Variants in DOCK8 observed in about 807,000 individuals in gnomAD.
DOCK8 encodes dedicator of cytokinesis 8.
A neutral mutation model predicts 245.6 loss-of-function variants in DOCK8; 141 were observed. The ratio of observed to expected loss-of-function variants is 0.57; its 90% confidence interval spans 0.50 to 0.66. DOCK8 has a LOEUF of 0.66. DOCK8 is among the 30% of genes least tolerant of loss of function. DOCK8 has a pLI of 0.00. For missense variants in DOCK8, 2,965 were observed against 2,603.4 expected (o/e 1.14, Z -3.02); for synonymous variants, 1,168 against 970.2 (o/e 1.20, Z -3.79).
rs1157084718 is a variant in DOCK8 at position 268,818 on chromosome 9, T to G, written c.54-2809T>G. On this transcript the variant is annotated intron_variant, in intron 1 of 47. Transcript: ENST00000432829. ...GCAAATAAATGATTGCAGTGTTGGT[T>G]TGAGTCCTGTGGTGCCAAACACAAG... Among the ~76,000 whole-genome samples, 5 of 152,226 alleles carry G rather than the reference T, an allele frequency of 3.3e-5. No homozygotes were observed. In the East Asian group the frequency reaches 7.7e-4, roughly 23 times the overall value.
At chr9:287,288 G>A (rs549167947) in intron 3 of DOCK8, among the ~76,000 whole-genome samples, 3 of 152,040 alleles carry the variant, frequency 2.0e-5, no homozygotes, top group Non-Finnish European at 4.4e-5. Context: ...TATAGGCTTG[G>A]GCATTAGTTT....
intron 5 of DOCK8, 52 bp from the exon 6 acceptor site, chr9:311,902 T>C: frequency 1.2e-6 from 2 of 1,603,062 alleles, no homozygotes; most frequent in Non-Finnish European, 8.5e-7. Context: ...TCTTCGGTTC[T>C]CATTTTAGAC....
At chr9:307,972 C>T (rs749264979) in intron 5 of DOCK8, among the ~76,000 whole-genome samples, 8 of 152,158 alleles carry the variant, frequency 5.3e-5, no homozygotes, top group African/African-American at 1.9e-4. Context: ...ACTAATACTG[C>T]ATGATCTCAC....
intron 1 of DOCK8, among the ~76,000 whole-genome samples, chr9:257,741 T>A (rs572395388): frequency 6.6e-6 from 1 of 152,262 alleles, no homozygotes; most frequent in South Asian, 2.1e-4. Context: ...ATGGTCTTGA[T>A]CCCTTGACCT....
At chr9:261,048 T>A (rs1369166892) in intron 1 of DOCK8, among the ~76,000 whole-genome samples, 1 of 147,388 alleles carries the variant, frequency 6.8e-6, no homozygotes, top group Non-Finnish European at 1.5e-5. Flanking sequence ...ATCGTGCCAC[T>A]GCACTCCAGC....
rs988173801 is a variant in DOCK8 at position 390,508 on chromosome 9, G to C, written c.2912G>C (p.Ser971Thr). Residue 971 changes from serine to threonine, a missense_variant, in exon 24 of 48, where the codon AGC (serine) becomes ACC (threonine). This residue lies in a region of DOCK8 where 2,825 missense variants were observed against 2,453.5 expected (regional missense o/e 1.15). Coordinates refer to ENST00000432829, the MANE Select transcript of DOCK8 (RefSeq NM_203447.4). The stretch of plus-strand genomic sequence containing the variant: ...GAGCTTGCCCTTCAGATGGTGGTCA[G>C]CACCGGAATGGTGAGAGAAACAGTC... Reference protein sequence around the residue: ...HEELALQMVVSTGMVRETVFK... With the variant: ...HEELALQMVVTTGMVRETVFK... The C allele has an allele frequency of 1.2e-6, 2 of 1,614,206 alleles. No homozygotes were observed. Among genetic ancestry groups the C allele is most frequent in the South Asian group, 1.1e-5 (1 of 91,080 alleles).
At chr9:254,115 A>G (rs1344609652) in intron 1 of DOCK8, among the ~76,000 whole-genome samples, 5 of 152,212 alleles carry the variant, frequency 3.3e-5, no homozygotes, top group Non-Finnish European at 5.9e-5. Context: ...CCTGATATTG[A>G]CAGTAAGATA....
intron 27 of DOCK8, among the ~76,000 whole-genome samples, chr9:405,596 A>G (rs1176210216): frequency 6.6e-6 from 1 of 152,146 alleles, no homozygotes; most frequent in Non-Finnish European, 1.5e-5. Flanking sequence ...CACCTCATAC[A>G]TTTTTTGAAA....
intron 1 of DOCK8, among the ~76,000 whole-genome samples, chr9:232,850 C>G (rs1217646454): frequency 6.6e-6 from 1 of 152,140 alleles, no homozygotes; most frequent in Non-Finnish European, 1.5e-5. Context: ...AAAACCAGCT[C>G]CTGGATTCAT....
chr9:215,418 C>G lies in DOCK8; in HGVS notation c.53+389C>G, dbSNP rs754480797. On this transcript the variant is annotated intron_variant, in intron 1 of 47. Coordinates refer to ENST00000432829, the MANE Select transcript of DOCK8 (RefSeq NM_203447.4). The stretch of plus-strand genomic sequence containing the variant: ...TCATAAACGGCTCCTTCCTTTGAGG[C>G]AAGTCTGAGCGCGGGGGGAAGAAGT... The G allele has an allele frequency of 2.5e-5, 38 of 1,519,316 alleles. 1 individual carries two copies. In the South Asian group the frequency reaches 2.9e-4, roughly 11 times the overall value. 94.1% of individuals were successfully genotyped at this position (1,519,316 alleles called of 1,614,324 possible).
intron 1 of DOCK8, among the ~76,000 whole-genome samples, chr9:237,928 G>A (rs906606227): frequency 3.3e-5 from 5 of 152,044 alleles, no homozygotes; most frequent in African/African-American, 7.2e-5. Flanking sequence ...GATGTTCCTG[G>A]TCTGGCAGAT....
intron 14 of DOCK8, among the ~76,000 whole-genome samples, chr9:357,682 A>G (rs1007406608): frequency 1.3e-5 from 2 of 152,078 alleles, no homozygotes; most frequent in Non-Finnish European, 2.9e-5. Context: ...TATGTGAAAT[A>G]TTGCAGCCTG....
At chr9:227,393 CTGT>C (rs2047013184) in intron 1 of DOCK8, among the ~76,000 whole-genome samples, 1 of 152,096 alleles carries the variant, frequency 6.6e-6, no homozygotes, top group South Asian at 2.1e-4. Context: ...TACTTTTCAC[CTGT>C]TGAAGGTGAT....
At chr9:307,338 GTTTTTTTTTTTTTTTTTTTTTT>G (rs1165775428) in intron 5 of DOCK8, among the ~76,000 whole-genome samples, 17 of 51,246 alleles carry the variant, frequency 3.3e-4, no homozygotes, top group Admixed American at 1.1e-3. Flanking sequence ...GGTTTTTTTT[GTTTTTTTTTTTTTTTTTTTTTT>G]TTTTTTTTTT....
chr9:440,375 C>T (rs1371593265), intron 40 of DOCK8, among the ~76,000 whole-genome samples: 7 of 152,184 alleles, frequency 4.6e-5, no homozygotes, highest in Admixed American at 4.6e-4. Flanking sequence ...AGAAAGTATT[C>T]AGTACTTTAC....
intron 16 of DOCK8, among the ~76,000 whole-genome samples, chr9:370,711 G>C (rs1276801184): frequency 6.6e-6 from 1 of 152,168 alleles, no homozygotes; most frequent in Non-Finnish European, 1.5e-5. Flanking sequence ...CTGACCAAAG[G>C]AGAAATGGAA....
intron 1 of DOCK8, among the ~76,000 whole-genome samples, chr9:236,158 G>A (rs924566179): frequency 3.3e-5 from 5 of 152,054 alleles, no homozygotes; most frequent in African/African-American, 1.2e-4. Flanking sequence ...GTGTCTTTGT[G>A]TCCCACCAAC....
At position 325,654 on chromosome 9, in the gene DOCK8, C is replaced by G; in HGVS notation, c.828-17C>G. The stretch of plus-strand genomic sequence containing the variant: ...CTAACTCAAAGCCACATAGATTTTC[C>G]TCTCTTTCTATGGTAGGTTCGAGAT... On this transcript the variant is annotated splice_polypyrimidine_tract_variant and intron_variant, in intron 7 of 47. Coordinates refer to ENST00000432829, the MANE Select transcript of DOCK8 (RefSeq NM_203447.4). 6.2e-7 allele frequency: 1 copy of G among 1,610,988 alleles called. No individual in the cohort carries two copies. Among genetic ancestry groups the G allele is most frequent in the Non-Finnish European group, 8.5e-7 (1 of 1,177,196 alleles).
At chr9:396,400 C>G (rs753527783) in intron 24 of DOCK8, among the ~76,000 whole-genome samples, 2 of 152,208 alleles carry the variant, frequency 1.3e-5, no homozygotes, top group Non-Finnish European at 2.9e-5. Context: ...TTGTGATAAA[C>G]TGTTCCTTTC....
Sources: allele counts gnomAD v4.1 joint callset (sites outside exome capture counted in the v4.1 genomes callset), GRCh38; gene constraint gnomAD v4.1.1; regional missense constraint gnomAD v4.1.1; transcripts MANE v1.5; gene names NCBI Gene and HGNC (gene_info 2026-07-23, HGNC 2026-07-21).